The following TTC6 variants were observed in gnomAD, a reference collection of about 807,000 sequenced individuals.
The protein encoded by TTC6 is tetratricopeptide repeat protein 6.
In TTC6, 172 loss-of-function variants were observed where a neutral mutation model predicts 210.4. The observed-to-expected ratio is 0.82, with a 90% confidence interval of 0.72 to 0.93. The LOEUF (loss-of-function observed/expected upper bound fraction) is 0.93, where lower values mean the gene tolerates loss of function less well. Ranked by LOEUF, TTC6 falls within the 40% of genes least tolerant of loss-of-function variation. The probability of loss-of-function intolerance (pLI) is 0.00; values close to 1 mark genes in which losing one functional copy is unlikely to be tolerated. For missense variants in TTC6, 2,414 were observed against 2,318.1 expected (o/e 1.04, Z -0.85); for synonymous variants, 804 against 819.6 (o/e 0.98, Z 0.32).
chr14:37,781,791 G>C (rs977081836), intron 14 of TTC6, among the ~76,000 whole-genome samples: 4 of 152,084 alleles, frequency 2.6e-5, no homozygotes, highest in African/African-American at 9.7e-5. Context: ...TCCATCTTGA[G>C]TTAATTTTTG....
At chr14:37,770,766 G>GT (rs1210283991) in intron 14 of TTC6, among the ~76,000 whole-genome samples, 1 of 147,558 alleles carries the variant, frequency 6.8e-6, no homozygotes, top group African/African-American at 2.5e-5. Context: ...CAATTTGCCA[G>GT]TCTGTGTCTT....
intron 25 of TTC6, among the ~76,000 whole-genome samples, chr14:37,816,992 C>T (rs1415378847): frequency 1.3e-5 from 2 of 152,052 alleles, no homozygotes; most frequent in Non-Finnish European, 2.9e-5. Context: ...TCCCTAACTT[C>T]AGATCTGGGG....
At chr14:37,828,317 C>A (rs1475784915) in intron 29 of TTC6, among the ~76,000 whole-genome samples, 2 of 151,942 alleles carry the variant, frequency 1.3e-5, no homozygotes, top group Non-Finnish European at 2.9e-5. Context: ...TGCTTCCCTT[C>A]AATTTATCTT....
intron 7 of TTC6, among the ~76,000 whole-genome samples, chr14:37,727,906 G>A (rs1471359354): frequency 6.6e-6 from 1 of 152,000 alleles, no homozygotes; most frequent in African/African-American, 2.4e-5. Flanking sequence ...ATTTGCTTTG[G>A]GTTGTGCTAG....
chr14:37,792,297 C>A, exon 17 of TTC6: 11 of 1,528,572 alleles, frequency 7.2e-6, no homozygotes, highest in Non-Finnish European at 9.6e-6. Flanking sequence ...ATATTGGCCT[C>A]ATACATCTGC....
intron 1 of TTC6, among the ~76,000 whole-genome samples, chr14:37,669,288 G>A (rs1003974861): frequency 2.0e-5 from 3 of 152,176 alleles, no homozygotes; most frequent in African/African-American, 7.2e-5. Context: ...TGGGGATGGG[G>A]AGTGAGGGAG....
At chr14:37,815,615 A>C (rs1018309181) in intron 25 of TTC6, among the ~76,000 whole-genome samples, 3 of 152,086 alleles carry the variant, frequency 2.0e-5, no homozygotes, top group Admixed American at 6.5e-5. Flanking sequence ...CTCATATACC[A>C]GGGGTCCCCA....
chr14:37,654,740 A>C (rs1387938312), intron 1 of TTC6, among the ~76,000 whole-genome samples: 2 of 152,284 alleles, frequency 1.3e-5, no homozygotes, highest in African/African-American at 4.8e-5. Flanking sequence ...TCAGGGATAA[A>C]TTTTTCTCCT....
At chr14:37,714,736 A>C in exon 6 of TTC6, 1 of 1,535,780 alleles carries the variant, frequency 6.5e-7, no homozygotes, top group South Asian at 1.2e-5. Context: ...TACCACCTGA[A>C]TTGGCACAAG....
intron 28 of TTC6, among the ~76,000 whole-genome samples, chr14:37,826,718 C>G (rs2096172686): frequency 6.6e-6 from 1 of 152,020 alleles, no homozygotes; most frequent in Non-Finnish European, 1.5e-5. Context: ...AGTGAAATGA[C>G]AAGTAAAAAT....
At chr14:37,802,896 C>G (rs983657254) in intron 20 of TTC6, among the ~76,000 whole-genome samples, 1 of 152,006 alleles carries the variant, frequency 6.6e-6, no homozygotes, top group African/African-American at 2.4e-5. Context: ...CTATGCCCAG[C>G]TAATTTTTGT....
chr14:37,602,970 A>AC (rs2095618587), intron 1 of TTC6, among the ~76,000 whole-genome samples: 1 of 151,360 alleles, frequency 6.6e-6, no homozygotes, highest in Non-Finnish European at 1.5e-5. Flanking sequence ...CTCTCCCTAC[A>AC]CCCCCGCCAA....
At chr14:37,812,241 A>T in intron 24 of TTC6, 73 bp from the exon 27 acceptor site, 1 of 1,493,124 alleles carries the variant, frequency 6.7e-7, no homozygotes, top group African/African-American at 1.4e-5. Flanking sequence ...GTTTGGACAT[A>T]AATACGTTTG....
intron 20 of TTC6, among the ~76,000 whole-genome samples, chr14:37,797,710 T>A (rs1386127272): frequency 6.6e-6 from 1 of 152,004 alleles, no homozygotes; most frequent in East Asian, 1.9e-4. Flanking sequence ...AAAAAATACC[T>A]TGTTTAAAAA....
intron 25 of TTC6, 49 bp downstream of exon 27, chr14:37,812,482 G>A (rs1048837931): frequency 2.7e-6 from 4 of 1,489,364 alleles, no homozygotes; most frequent in Middle Eastern, 1.8e-4. Context: ...ATTGACTTCT[G>A]AGAACTAGTG....
exon 10 of TTC6, chr14:37,738,785 T>C: frequency 6.8e-7 from 1 of 1,478,630 alleles, no homozygotes; most frequent in Non-Finnish European, 8.9e-7. Context: ...GCGAGTAAAA[T>C]CTTCTGTAGA....
intron 29 of TTC6, among the ~76,000 whole-genome samples, chr14:37,830,842 A>G (rs966683931): frequency 1.3e-5 from 2 of 152,068 alleles, no homozygotes; most frequent in African/African-American, 2.4e-5. Flanking sequence ...TATGGGGCAC[A>G]TGATATTTTG....
At chr14:37,758,990 C>A (rs1050081400) in intron 14 of TTC6, among the ~76,000 whole-genome samples, 1 of 152,018 alleles carries the variant, frequency 6.6e-6, no homozygotes, top group African/African-American at 2.4e-5. Context: ...AAATTCTTTT[C>A]TGCTGGGTGT....
intron 2 of TTC6, among the ~76,000 whole-genome samples, chr14:37,682,155 AT>A (rs10714917): frequency 0.99 from 146,972 of 148,136 alleles, 72,913 homozygotes; most frequent in Middle Eastern, 1. Context: ...CGAACCACTA[AT>A]TTTTTTTTTT....
Sources: allele counts gnomAD v4.1 joint callset (sites outside exome capture counted in the v4.1 genomes callset), GRCh38; gene constraint gnomAD v4.1.1; transcripts MANE v1.5; gene names NCBI Gene and HGNC (gene_info 2026-07-23, HGNC 2026-07-21).